The following NAV2 variants were observed in gnomAD, a reference collection of about 807,000 sequenced individuals.
NAV2 encodes the protein helicase, APC down-regulated 1.
Under a neutral mutation model 223.2 loss-of-function variants are expected in NAV2, and 54 were observed. The ratio of observed to expected loss-of-function variants is 0.24; its 90% CI spans 0.19 to 0.30. The LOEUF (loss-of-function observed/expected upper bound fraction) is 0.30, where lower values mean the gene tolerates loss of function less well. NAV2 is among the 10% of genes least tolerant of loss of function. NAV2 has a pLI of 1.00. For synonymous variants in NAV2, 1,279 were observed against 1,239.3 expected, an observed-to-expected ratio of 1.03 and a Z score of -0.67; for missense variants, 2,806 against 3,147.5, an observed-to-expected ratio of 0.89 and a Z score of 2.60.
chr11:19,977,976 G>GT lies in NAV2; in HGVS notation c.2646-6140dup, dbSNP rs1337494979. On this transcript the variant is annotated intron_variant, in intron 10 of 37. Transcript: ENST00000349880. ...CCTGCCACCACGCCCAGCTCATTTT[G>GT]TTTTTTTTTGTTTTTTTTGGTTTTT... Among the ~76,000 whole-genome samples the GT allele has an allele frequency of 9.9e-3, 919 of 93,162 alleles. 12 individuals carry two copies. Among genetic ancestry groups the GT allele is most frequent in the African/African-American group, 0.022 (753 of 34,364 alleles). 61.1% of individuals were successfully genotyped at this position (93,162 alleles called of 152,430 possible).
At chr11:19,589,007 C>T (rs890079804) in intron 1 of NAV2, among the ~76,000 whole-genome samples, 2 of 152,180 alleles carry the variant, frequency 1.3e-5, no homozygotes, top group African/African-American at 2.4e-5. Flanking sequence ...CAGAGGGCAC[C>T]GTCCAGCCCC....
intron 1 of NAV2, among the ~76,000 whole-genome samples, chr11:19,614,502 C>G (rs1190759584): frequency 6.6e-6 from 1 of 152,132 alleles, no homozygotes; most frequent in African/African-American, 2.4e-5. Context: ...AGCCCCTGGC[C>G]CTGCACATAT....
At chr11:19,405,295 G>A (rs530701206) in intron 1 of NAV2, among the ~76,000 whole-genome samples, 7 of 152,284 alleles carry the variant, frequency 4.6e-5, no homozygotes, top group African/African-American at 1.7e-4. Flanking sequence ...GGAAGCAGAT[G>A]TTTGGGAGGT....
intron 26 of NAV2, among the ~76,000 whole-genome samples, chr11:20,085,188 CT>C (rs2060354476): frequency 9.7e-6 from 1 of 103,060 alleles, no homozygotes; most frequent in Non-Finnish European, 2.0e-5. Flanking sequence ...AAGGCCATGT[CT>C]CTATTTAAAA....
chr11:20,000,025 C>T (rs1215907440), intron 11 of NAV2, among the ~76,000 whole-genome samples: 1 of 152,204 alleles, frequency 6.6e-6, no homozygotes, highest in Non-Finnish European at 1.5e-5. Context: ...TGCAGTGTCC[C>T]CTTCTCTTTG....
At chr11:20,105,849 GAA>G in intron 35 of NAV2, 122 bp downstream of exon 35, 1 of 783,304 alleles carries the variant, frequency 1.3e-6, no homozygotes, top group Non-Finnish European at 2.0e-6. Flanking sequence ...CATAAAGATA[GAA>G]AGTGGGGCAG....
At chr11:20,054,710 G>C (rs1668896592) in intron 18 of NAV2, among the ~76,000 whole-genome samples, 1 of 152,166 alleles carries the variant, frequency 6.6e-6, no homozygotes, top group Admixed American at 6.6e-5. Context: ...GGAAATAAAA[G>C]TTAAGTTTTG....
At position 19,756,123 on chromosome 11, in the gene NAV2, G is replaced by A. The variant is rs112879979; in HGVS notation, c.267+42161G>A. On this transcript the variant is annotated intron_variant, in intron 1 of 37. Transcript: ENST00000349880. Reference sequence around the variant, plus strand: ...CTGTACAGCTCTTGTTCTATGGGACGGGATGGGGGCTCAGATGTTCCTCAT... The same window carrying A: ...CTGTACAGCTCTTGTTCTATGGGACAGGATGGGGGCTCAGATGTTCCTCAT... Among the ~76,000 whole-genome samples the A allele has an allele frequency of 7.9e-4, 121 of 152,252 alleles. 3 individuals are homozygous for A. The highest frequency in any genetic ancestry group is 4.1e-3 in the Admixed American group (62 of 15,302).
At position 20,069,914 on chromosome 11, in the gene NAV2, G is replaced by A. The variant is rs144137121; in HGVS notation, c.4983+1516G>A. Among the ~76,000 whole-genome samples the A allele has an allele frequency of 4.1e-3, 624 of 152,254 alleles. 1 individual carries two copies. The highest frequency in any genetic ancestry group is 6.9e-3 in the Non-Finnish European group (472 of 68,020). ...GTCGGCATGTGACATACCTAGTACA[G>A]TGCTTGACCTTAGTTATTAGCTCAG... On this transcript the variant is annotated intron_variant, in intron 22 of 37. Coordinates refer to ENST00000349880, the MANE Select transcript of NAV2 (RefSeq NM_145117.5).
intron 1 of NAV2, among the ~76,000 whole-genome samples, chr11:19,684,193 A>T (rs1318339839): frequency 1.3e-5 from 2 of 152,198 alleles, no homozygotes; most frequent in African/African-American, 4.8e-5. Context: ...AATATATAAA[A>T]TGTCTGTTCC....
intron 1 of NAV2, among the ~76,000 whole-genome samples, chr11:19,676,269 TG>T (rs1256115131): frequency 6.6e-6 from 1 of 152,194 alleles, no homozygotes; most frequent in Non-Finnish European, 1.5e-5. Flanking sequence ...TGCACTGCAG[TG>T]TGGAGATCTT....
At chr11:19,555,348 G>A (rs546677591) in intron 1 of NAV2, among the ~76,000 whole-genome samples, 1 of 152,326 alleles carries the variant, frequency 6.6e-6, no homozygotes, top group South Asian at 2.1e-4. Flanking sequence ...ACATGAATCA[G>A]GCAAGGTCTA....
At chr11:19,541,150 C>T (rs981260328) in intron 1 of NAV2, among the ~76,000 whole-genome samples, 1 of 152,186 alleles carries the variant, frequency 6.6e-6, no homozygotes, top group Non-Finnish European at 1.5e-5. Context: ...GGAAGTTATA[C>T]ATGTAATTGG....
chr11:19,984,343 C>T lies in NAV2; in HGVS notation c.2768+96C>T. The T allele has an allele frequency of 2.5e-6, 4 of 1,573,562 alleles. No homozygotes were observed. In the South Asian group the frequency reaches 4.5e-5, roughly 18 times the overall value. The stretch of plus-strand genomic sequence containing the variant: ...ATGATATTGGGAGAGTGAATGGAGA[C>T]TTGAACCCACAGAGAGGGAGGGGAG... On this transcript the variant is annotated intron_variant, in intron 11 of 37. Coordinates refer to ENST00000349880, the MANE Select transcript of NAV2 (RefSeq NM_145117.5).
At chr11:19,726,457 C>T (rs779587745) in intron 1 of NAV2, among the ~76,000 whole-genome samples, 31 of 152,206 alleles carry the variant, frequency 2.0e-4, no homozygotes, top group Non-Finnish European at 4.0e-4. Flanking sequence ...ACTTGCTGCT[C>T]TTCCTGCATG....
chr11:19,932,981 A>T (rs1333462775), intron 6 of NAV2, among the ~76,000 whole-genome samples, 195 bp from the exon 7 acceptor site: 1 of 152,212 alleles, frequency 6.6e-6, no homozygotes, highest in Non-Finnish European at 1.5e-5. Flanking sequence ...GGGGATGTGA[A>T]CTGTGCAGTA....
upstream of NAV2, among the ~76,000 whole-genome samples, chr11:19,345,849 C>T (rs1057096567): frequency 2.0e-5 from 3 of 152,114 alleles, no homozygotes; most frequent in African/African-American, 7.2e-5. The surrounding 1 kb of genome is among the most constrained non-coding windows in gnomAD (Gnocchi z 5.2). Context: ...TTCTGACTGT[C>T]TTGTTTGCGT....
intron 3 of NAV2, among the ~76,000 whole-genome samples, chr11:19,858,652 T>A (rs1384035523): frequency 6.6e-6 from 1 of 152,254 alleles, no homozygotes; most frequent in African/African-American, 2.4e-5. Context: ...CTCTTGACTC[T>A]CCTTAGCCAA....
At chr11:19,361,576 C>T (rs1196525717) in intron 1 of NAV2, among the ~76,000 whole-genome samples, 1 of 152,036 alleles carries the variant, frequency 6.6e-6, no homozygotes, top group Non-Finnish European at 1.5e-5. Flanking sequence ...TGGATGCCAT[C>T]CACAGTCCTG....
Sources: gnomAD v4.1 joint callset for allele counts (sites outside exome capture counted in the v4.1 genomes callset) on GRCh38, gnomAD v4.1.1 for gene constraint, Gnocchi (gnomAD v3.1) non-coding constraint, MANE v1.5 for transcripts, NCBI Gene and HGNC (gene_info 2026-07-23, HGNC 2026-07-21) for gene names.